The following CHSY3 variants were observed in gnomAD, a reference collection of about 807,000 sequenced individuals.
The protein encoded by CHSY3 is chondroitin sulfate synthase 3, also known as N-acetylgalactosaminyl-proteoglycan 3-beta-glucuronosyltransferase 3.
A neutral mutation model predicts 67.2 loss-of-function variants in CHSY3; 35 were observed. That is an observed-to-expected ratio of 0.52 (90% CI 0.40 to 0.69). The LOEUF (loss-of-function observed/expected upper bound fraction) is 0.69, where lower values mean the gene tolerates loss of function less well. CHSY3 is among the 30% of genes least tolerant of loss of function. CHSY3 has a pLI of 0.00. For missense variants in CHSY3, 1,069 were observed against 1,138.5 expected (o/e 0.94, Z 0.88); for synonymous variants, 474 against 434.7 (o/e 1.09, Z -1.12).
chr5:130,013,068 C>G lies in CHSY3; in HGVS notation c.1086+104708C>G, dbSNP rs139860891. On this transcript the variant is annotated intron_variant, in intron 2 of 2. Transcript: ENST00000305031. ...AAACAAAGGGGCTACTGGACCCATGCAAGTCTGAAATCCAACAGGCCAGTT... is the reference window on the plus strand; with the variant it reads ...AAACAAAGGGGCTACTGGACCCATGGAAGTCTGAAATCCAACAGGCCAGTT... 2.2e-4 allele frequency among the ~76,000 whole-genome samples: 33 copies of G among 152,186 alleles called. No homozygotes were observed. In the East Asian group the frequency reaches 6.4e-3, roughly 29 times the overall value.
chr5:130,164,673 T>C (rs1476858169), intron 2 of CHSY3, among the ~76,000 whole-genome samples: 1 of 152,016 alleles, frequency 6.6e-6, no homozygotes, highest in Non-Finnish European at 1.5e-5. Context: ...AGCTCTGCCC[T>C]GCACCATTTA....
At chr5:130,129,743 G>A (rs187930475) in intron 2 of CHSY3, among the ~76,000 whole-genome samples, 1 of 152,094 alleles carries the variant, frequency 6.6e-6, no homozygotes, top group Non-Finnish European at 1.5e-5. Flanking sequence ...GTTTCTAGTT[G>A]TGTGTTCTTG....
intron 2 of CHSY3, among the ~76,000 whole-genome samples, chr5:130,139,221 G>C (rs772399636): frequency 7.9e-5 from 12 of 152,164 alleles, no homozygotes; most frequent in Non-Finnish European, 1.5e-4. Context: ...GTCCATCATT[G>C]ACTGAAACAT....
chr5:130,173,234 A>C (rs1769946954), intron 2 of CHSY3, among the ~76,000 whole-genome samples: 1 of 152,176 alleles, frequency 6.6e-6, no homozygotes, highest in African/African-American at 2.4e-5. Context: ...TTCCTTCAAA[A>C]CAAAAAAGAG....
Position 129,963,073 on chromosome 5 carries a change from C to CTA in CHSY3, c.1086+54716_1086+54717dup, listed in dbSNP as rs1401191012. ...GTAAAGCCGGAATAATGAGAATTGACTATAACTTGTAATCGGTCTAGCAAA... is the reference window on the plus strand; with the variant it reads ...GTAAAGCCGGAATAATGAGAATTGACTATATAACTTGTAATCGGTCTAGCAAA... On this transcript the variant is annotated intron_variant, in intron 2 of 2. Transcript: ENST00000305031. 5.9e-5 allele frequency among the ~76,000 whole-genome samples: 9 copies of CTA among 151,832 alleles called. No individual in the cohort carries two copies. The East Asian group carries it at 1.6e-3, about 26-fold the overall frequency.
intron 2 of CHSY3, among the ~76,000 whole-genome samples, chr5:130,121,211 T>C (rs1768011022): frequency 6.6e-6 from 1 of 152,302 alleles, no homozygotes; most frequent in Admixed American, 6.5e-5. Context: ...ATGCTGCTGA[T>C]CCATACTTTG....
At chr5:129,955,665 T>C (rs115988718) in intron 2 of CHSY3, among the ~76,000 whole-genome samples, 3,575 of 152,184 alleles carry the variant, frequency 0.023, 128 homozygotes, top group African/African-American at 0.079. Flanking sequence ...GTATTAGTTA[T>C]TTTTCCTGTT....
chr5:130,048,715 T>C (rs1255063822), intron 2 of CHSY3, among the ~76,000 whole-genome samples: 1 of 152,090 alleles, frequency 6.6e-6, no homozygotes, highest in Non-Finnish European at 1.5e-5. Context: ...ATTCTTGTTA[T>C]GTATCTTTTC....
chr5:130,062,095 C>G (rs747376635), intron 2 of CHSY3, among the ~76,000 whole-genome samples: 2 of 151,950 alleles, frequency 1.3e-5, no homozygotes, highest in Non-Finnish European at 2.9e-5. Context: ...CCACTGTACT[C>G]ATGTTCATTG....
chr5:129,920,301 T>C (rs1273824383), intron 2 of CHSY3, among the ~76,000 whole-genome samples: 5 of 152,210 alleles, frequency 3.3e-5, no homozygotes, highest in African/African-American at 7.2e-5. Flanking sequence ...TGTAGTGCAC[T>C]GGTGCACGAT....
chr5:130,165,510 G>T (rs373864313), intron 2 of CHSY3, among the ~76,000 whole-genome samples: 2 of 151,944 alleles, frequency 1.3e-5, no homozygotes, highest in Non-Finnish European at 2.9e-5. Context: ...CCATTATCGT[G>T]TCCTTTATTT....
chr5:130,148,916 G>T (rs866639635), intron 2 of CHSY3, among the ~76,000 whole-genome samples: 2 of 152,086 alleles, frequency 1.3e-5, no homozygotes, highest in South Asian at 2.1e-4. Context: ...CCATTTATCA[G>T]TTCTTGCTTT....
intron 2 of CHSY3, among the ~76,000 whole-genome samples, chr5:129,946,213 G>A (rs1365609453): frequency 1.3e-5 from 2 of 152,076 alleles, no homozygotes; most frequent in Non-Finnish European, 2.9e-5. Context: ...AAAAAAATAG[G>A]CATTTCTAGA....
chr5:129,917,585 T>C (rs1406365088), intron 2 of CHSY3, among the ~76,000 whole-genome samples: 1 of 152,266 alleles, frequency 6.6e-6, no homozygotes, highest in African/African-American at 2.4e-5. Flanking sequence ...AGAATAATGC[T>C]TGCCACACAA....
At chr5:130,142,186 C>T (rs1768889511) in intron 2 of CHSY3, among the ~76,000 whole-genome samples, 1 of 152,062 alleles carries the variant, frequency 6.6e-6, no homozygotes, top group African/African-American at 2.4e-5. Context: ...AAAATTGGCA[C>T]CAAAAAATTC....
Position 130,086,762 on chromosome 5 carries a change from A to T in CHSY3, c.1087-97467A>T, listed in dbSNP as rs1483631266. On this transcript the variant is annotated intron_variant, in intron 2 of 2. Transcript: ENST00000305031. Reference sequence around the variant, plus strand: ...CCAAAAAGAGTCCAGGACCACATGGATTCACAGCCGAATTCTACCAGAGGT... The same window carrying T: ...CCAAAAAGAGTCCAGGACCACATGGTTTCACAGCCGAATTCTACCAGAGGT... 4.6e-5 allele frequency among the ~76,000 whole-genome samples: 7 copies of T among 152,242 alleles called. No individual in the cohort carries two copies. In the South Asian group the frequency reaches 1.2e-3, roughly 27 times the overall value.
At chr5:130,032,814 A>G (rs777054134) in intron 2 of CHSY3, among the ~76,000 whole-genome samples, 37 of 152,152 alleles carry the variant, frequency 2.4e-4, no homozygotes, top group Non-Finnish European at 4.9e-4. Flanking sequence ...GTGAGATTTA[A>G]CACCATTAAC....
At chr5:130,169,958 C>A (rs1424033095) in intron 2 of CHSY3, among the ~76,000 whole-genome samples, 2 of 151,628 alleles carry the variant, frequency 1.3e-5, no homozygotes, top group African/African-American at 4.9e-5. Flanking sequence ...CAACTACCAT[C>A]TTTCTTTTAT....
At chr5:130,129,692 A>G (rs1331457239) in intron 2 of CHSY3, among the ~76,000 whole-genome samples, 2 of 152,158 alleles carry the variant, frequency 1.3e-5, no homozygotes, top group African/African-American at 2.4e-5. Context: ...AGAACAATGG[A>G]CCATCTCTCA....
Sources: allele counts gnomAD v4.1 joint callset (sites outside exome capture counted in the v4.1 genomes callset), GRCh38; gene constraint gnomAD v4.1.1; transcripts MANE v1.5; gene names NCBI Gene and HGNC (gene_info 2026-07-23, HGNC 2026-07-21).